The following ECHDC1 variants were observed in gnomAD, a reference collection of about 807,000 sequenced individuals.
ECHDC1 encodes the protein ethylmalonyl-CoA decarboxylase.
Under a neutral mutation model 29.7 loss-of-function variants are expected in ECHDC1, and 29 were observed. The observed-to-expected ratio is 0.98, with a 90% CI of 0.73 to 1.33. The LOEUF (loss-of-function observed/expected upper bound fraction) is 1.33, where lower values mean the gene tolerates loss of function less well. Among genes scored for constraint, ECHDC1 ranks in the 40% most tolerant of loss-of-function variants. The pLI is 0.00. For missense variants in ECHDC1, 328 were observed against 350.0 expected (o/e 0.94, Z 0.50); for synonymous variants, 126 against 123.1 (o/e 1.02, Z -0.15).
In ECHDC1 at chr6:127,289,743, A is replaced by T; in HGVS notation, c.*126T>A. On this transcript the variant is annotated 3_prime_UTR_variant, in exon 6 of 6. Coordinates refer to ENST00000454859, the MANE Select transcript of ECHDC1 (RefSeq NM_001002030.2). ...AATGAGTTCAGATATTCAAATGATT[A>T]AAAGTAAGTCTGCATATTAATAGTA... 1 of 983,976 alleles carries T rather than the reference A, an allele frequency of 1.0e-6. No individual in the cohort carries two copies. Among genetic ancestry groups the T allele is most frequent in the Non-Finnish European group, 1.4e-6 (1 of 692,180 alleles). The allele number at this position is 983,976 out of a possible 1,614,324, so 61.0% of individuals were successfully genotyped here. A position where few individuals can be genotyped will look rare whatever the true frequency, so the allele number is the denominator to read the frequency against.
At chr6:127,301,270 G>A (rs1011302438) in intron 5 of ECHDC1, among the ~76,000 whole-genome samples, 4 of 152,122 alleles carry the variant, frequency 2.6e-5, no homozygotes, top group Non-Finnish European at 5.9e-5. Context: ...AGGGTTTTGC[G>A]GGAAGGGGAC....
intron 5 of ECHDC1, among the ~76,000 whole-genome samples, chr6:127,300,340 T>C (rs1263206916): frequency 6.6e-6 from 1 of 152,182 alleles, no homozygotes; most frequent in African/African-American, 2.4e-5. Context: ...CCCGAAGAGA[T>C]GACCTAATCT....
intron 1 of ECHDC1, among the ~76,000 whole-genome samples, chr6:127,338,521 T>A (rs1193338774): frequency 1.3e-5 from 2 of 152,180 alleles, no homozygotes; most frequent in Non-Finnish European, 2.9e-5. Flanking sequence ...TGCATGGAAT[T>A]ATGATGCTTT....
At chr6:127,296,435 C>T (rs193032225) in intron 5 of ECHDC1, among the ~76,000 whole-genome samples, 79 of 152,108 alleles carry the variant, frequency 5.2e-4, no homozygotes, top group Non-Finnish European at 5.0e-4. Context: ...TCTTGTGATC[C>T]GCCTGCCTCG....
intron 5 of ECHDC1, among the ~76,000 whole-genome samples, chr6:127,308,546 T>A (rs755292499): frequency 2.6e-5 from 4 of 152,158 alleles, no homozygotes; most frequent in Admixed American, 2.6e-4. Context: ...TCAGTTAGTA[T>A]CATACTGAAT....
At chr6:127,326,649 CAA>C (rs1783366279) in intron 3 of ECHDC1, 1 of 384,252 alleles carries the variant, frequency 2.6e-6, no homozygotes, top group Admixed American at 2.9e-5. Context: ...AATAAACAGA[CAA>C]AGTGGGGCAT....
chr6:127,316,558 A>G, intron 3 of ECHDC1, 56 bp from the exon 4 acceptor site: 4 of 1,442,318 alleles, frequency 2.8e-6, no homozygotes, highest in Non-Finnish European at 2.8e-6. Context: ...ATTACATTAA[A>G]TTTTTTAAAT....
chr6:127,342,156 C>T, intron 1 of ECHDC1, among the ~76,000 whole-genome samples: 1 of 152,252 alleles, frequency 6.6e-6, no homozygotes, highest in East Asian at 1.9e-4. Flanking sequence ...TGTCTGCTCT[C>T]AGAACATCTG....
At chr6:127,339,706 G>A (rs989665520) in intron 1 of ECHDC1, among the ~76,000 whole-genome samples, 2 of 148,796 alleles carry the variant, frequency 1.3e-5, no homozygotes, top group African/African-American at 5.0e-5. Context: ...CCAGGAAACG[G>A]AAATTGCAGT....
chr6:127,321,726 G>C (rs996668230), intron 3 of ECHDC1, among the ~76,000 whole-genome samples: 1 of 152,316 alleles, frequency 6.6e-6, no homozygotes, highest in East Asian at 1.9e-4. Context: ...CGTCGGGCCA[G>C]GTGCAGTGGC....
intron 4 of ECHDC1, chr6:127,315,798 A>G (rs1782316509): frequency 2.6e-6 from 1 of 387,394 alleles, no homozygotes; most frequent in Admixed American, 3.5e-5. Context: ...TACCAAAAAT[A>G]CAGTAATGTC....
chr6:127,329,879 A>C (rs1783761028), intron 2 of ECHDC1: 1 of 455,294 alleles, frequency 2.2e-6, no homozygotes, highest in African/African-American at 2.0e-5. Context: ...AATCTCTCTG[A>C]ATTCTGGTAA....
intron 1 of ECHDC1, chr6:127,343,061 C>G (rs1583029943): frequency 1.3e-5 from 2 of 152,224 alleles, no homozygotes. Context: ...GACCTCGCGG[C>G]GCGCTCTGGG....
rs71024770 is a variant in ECHDC1, at chr6:127,307,648, G to GAA, written c.497+7166_497+7167dup. ...GGTGACAGAGTGATACTCTGTCTCA[G>GAA]AAAAAAAAAAAAAAGACAGAAAGAA... On this transcript the variant is annotated intron_variant, in intron 5 of 5. Coordinates refer to ENST00000454859, the MANE Select transcript of ECHDC1 (RefSeq NM_001002030.2). Among the ~76,000 whole-genome samples the GAA allele has an allele frequency of 8.0e-4, 39 of 48,660 alleles. 4 individuals are homozygous for GAA. The highest frequency in any genetic ancestry group is 1.7e-3 in the African/African-American group (26 of 15,100). The allele number at this position is 48,660 out of a possible 152,430, so 31.9% of individuals were successfully genotyped here. A position where few individuals can be genotyped will look rare whatever the true frequency, so the allele number is the denominator to read the frequency against.
rs539319377 is a variant in ECHDC1, at chr6:127,315,151, A to G, written c.417-255T>C. ...TTAAAATACCTCCCTGAATCATTATATATTTTTAAGCTATAGCCATATTGT... is the reference window on the plus strand; with the variant it reads ...TTAAAATACCTCCCTGAATCATTATGTATTTTTAAGCTATAGCCATATTGT... On this transcript the variant is annotated intron_variant, in intron 4 of 5. Transcript: ENST00000454859. The G allele has an allele frequency of 2.2e-4, 135 of 616,816 alleles. 3 individuals carry two copies. The highest frequency in any genetic ancestry group is 1.9e-3 in the South Asian group (127 of 65,970). 38.2% of individuals were successfully genotyped at this position (616,816 alleles called of 1,614,324 possible).
rs995697332 is a variant in ECHDC1 at position 127,290,671 on chromosome 6, A to G, written c.498-394T>C. 3.9e-5 allele frequency among the ~76,000 whole-genome samples: 6 copies of G among 152,062 alleles called. No homozygotes were observed. The East Asian group carries it at 1.2e-3, about 29-fold the overall frequency. ...TAAGTTAAGGTTCTCAAAAGTCCTT[A>G]GTGGGGAAAAATGCTTTTTAAATAC... is the stretch of plus-strand genomic sequence containing the variant. On this transcript the variant is annotated intron_variant, in intron 5 of 5. Transcript: ENST00000454859.
intron 5 of ECHDC1, among the ~76,000 whole-genome samples, chr6:127,291,521 A>G (rs1386940366): frequency 6.6e-6 from 1 of 152,112 alleles, no homozygotes; most frequent in Admixed American, 6.6e-5. Flanking sequence ...ATAAGAAAGT[A>G]TAACAATAAA....
At chr6:127,330,763 G>T in intron 2 of ECHDC1, 46 bp downstream of exon 2, 1 of 1,532,264 alleles carries the variant, frequency 6.5e-7, no homozygotes. Context: ...TGTGATAACA[G>T]TTTAGATTTA....
intron 3 of ECHDC1, among the ~76,000 whole-genome samples, chr6:127,319,418 C>T (rs1433906220): frequency 3.9e-5 from 6 of 152,096 alleles, no homozygotes; most frequent in Non-Finnish European, 7.4e-5. Flanking sequence ...AGTTATCTAT[C>T]ATTATTATTA....
Sources: gnomAD v4.1 joint callset for allele counts (sites outside exome capture counted in the v4.1 genomes callset) on GRCh38, gnomAD v4.1.1 for gene constraint, MANE v1.5 for transcripts, NCBI Gene and HGNC (gene_info 2026-07-23, HGNC 2026-07-21) for gene names.